ASPM: variants seen among roughly 807,000 people sequenced by gnomAD.
ASPM encodes abnormal spindle-like microcephaly-associated protein.
Under a neutral mutation model 366.4 loss-of-function variants are expected in ASPM, and 256 were observed. That is an observed-to-expected ratio of 0.70 (90% CI 0.63 to 0.77). The LOEUF (loss-of-function observed/expected upper bound fraction) is 0.77. ASPM is among the 30% of genes least tolerant of loss of function. The pLI, the probability that ASPM is intolerant of heterozygous loss-of-function variation, is 0.00. For missense variants in ASPM, 4,146 were observed against 4,090.4 expected (o/e 1.01, Z -0.37); for synonymous variants, 1,414 against 1,342.9 (o/e 1.05, Z -1.16).
At chr1:197,138,635 G>GAACAGGGT (rs1658489317) in intron 4 of ASPM, 2 of 490,520 alleles carry the variant, frequency 4.1e-6, no homozygotes. Context: ...TATACAATAA[G>GAACAGGGT]CAAGCCAATT....
intron 12 of ASPM, among the ~76,000 whole-genome samples, 178 bp from the exon 13 acceptor site, chr1:197,124,509 G>A (rs1165280407): frequency 2.0e-5 from 3 of 151,680 alleles, no homozygotes; most frequent in East Asian, 1.9e-4. Flanking sequence ...CAAAACAGTC[G>A]CTTTTTTTTT....
At chr1:197,090,147 T>C (rs1481470397) in intron 24 of ASPM, 49 bp downstream of exon 24, 3 of 1,611,328 alleles carry the variant, frequency 1.9e-6, no homozygotes, top group Admixed American at 3.3e-5. Context: ...AAGTTTTAGC[T>C]AATAATGTAG....
intron 4 of ASPM, chr1:197,139,005 G>A: frequency 1.4e-6 from 1 of 723,970 alleles, no homozygotes; most frequent in African/African-American, 1.8e-5. Context: ...ATTGATCATA[G>A]CACTCTTGTC....
At chr1:197,093,013 AT>A (rs1558323980) in intron 21 of ASPM, 38 bp downstream of exon 21, 4 of 1,528,900 alleles carry the variant, frequency 2.6e-6, no homozygotes, top group Middle Eastern at 4.6e-4. Flanking sequence ...AAGTGCTTTC[AT>A]TTTATAAGAA....
intron 25 of ASPM, among the ~76,000 whole-genome samples, chr1:197,089,431 T>C (rs1295356840): frequency 2.0e-4 from 30 of 152,028 alleles, no homozygotes; most frequent in Admixed American, 2.0e-3. Flanking sequence ...GACATGATTA[T>C]AATGTGGTAA....
At chr1:197,140,102 T>G (rs1046136445) in intron 3 of ASPM, among the ~76,000 whole-genome samples, 2 of 152,186 alleles carry the variant, frequency 1.3e-5, no homozygotes, top group Non-Finnish European at 2.9e-5. Flanking sequence ...GAGGCTAAAG[T>G]CTAGATTCAA....
rs1657279015 is a variant in ASPM, at chr1:197,103,518, G to A, written c.5733C>T (p.Ala1911=). Reference sequence around the variant, plus strand: ...ACAATCTAAACTGTTTCTGGGCCTTGGCCATTCTAAAAGCAGACTGAATCT... The same window carrying A: ...ACAATCTAAACTGTTTCTGGGCCTTAGCCATTCTAAAAGCAGACTGAATCT... ...ALKIQSAFRM[A]KAQKQFRLFK... Residue 1911 remains alanine (A), a synonymous_variant, in exon 18 of 28, where the codon GCC becomes GCT. Transcript: ENST00000367409. 8.1e-6 allele frequency: 13 copies of A among 1,613,086 alleles called. No homozygotes were observed. In the East Asian group the frequency reaches 2.9e-4, roughly 36 times the overall value.
chr1:197,102,517 T>C lies in ASPM; in HGVS notation c.6734A>G (p.Tyr2245Cys), dbSNP rs762585515. Residue 2245 changes from tyrosine (Y) to cysteine (C), a missense_variant, in exon 18 of 28, where the codon TAC becomes TGC. Around this residue, in one of 3 missense-constraint regions of ASPM, gnomAD observed 3,624 missense variants for 3,591.7 expected, o/e 1.01. Coordinates refer to ENST00000367409, the MANE Select transcript of ASPM (RefSeq NM_018136.5). Reference sequence around the variant, plus strand: ...CTTTCCCCTAAAAATAGCCTGAATGTATATTACAGAATGCCTCAGTTTGTT... The same window carrying C: ...CTTTCCCCTAAAAATAGCCTGAATGCATATTACAGAATGCCTCAGTTTGTT... ...RYNKLRHSVI[Y>C]IQAIFRGKKA... 9 of 1,612,398 alleles carry C rather than the reference T, an allele frequency of 5.6e-6. 1 individual carries two copies. Among genetic ancestry groups the C allele is most frequent in the Non-Finnish European group, 5.9e-6 (7 of 1,179,108 alleles).
At position 197,090,186 on chromosome 1, in the gene ASPM, A is replaced by G. The variant is rs946626093; in HGVS notation, c.9829+10T>C. 5 of 1,613,132 alleles carry G rather than the reference A, an allele frequency of 3.1e-6. No homozygotes were observed. The African/African-American group carries it at 5.3e-5, about 17-fold the overall frequency. Reference sequence around the variant, plus strand: ...TACATCATTCTTTAAACATGTTAACACAAACTAACCTAGGTGTTTTAAGGC... The same window carrying G: ...TACATCATTCTTTAAACATGTTAACGCAAACTAACCTAGGTGTTTTAAGGC... On this transcript the variant is annotated intron_variant, in intron 24 of 27. Coordinates refer to ENST00000367409, the MANE Select transcript of ASPM (RefSeq NM_018136.5).
chr1:197,089,482 T>C (rs566786012), intron 25 of ASPM, among the ~76,000 whole-genome samples: 1 of 152,130 alleles, frequency 6.6e-6, no homozygotes, highest in South Asian at 2.1e-4. Context: ...TCACCACCTC[T>C]AAAGGCAGAC....
Position 197,090,841 on chromosome 1 carries a change from T to G in ASPM, c.9636+9A>C, listed in dbSNP as rs1330713489. On this transcript the variant is annotated intron_variant, in intron 23 of 27. Transcript: ENST00000367409. Reference sequence around the variant, plus strand: ...AGTTTTGAACTAAAACTATACAAGTTTCAATTACCTGAATTTTAATGATTC... The same window carrying G: ...AGTTTTGAACTAAAACTATACAAGTGTCAATTACCTGAATTTTAATGATTC... 6.2e-7 allele frequency: 1 copy of G among 1,609,710 alleles called. No individual in the cohort carries two copies. Among genetic ancestry groups the G allele is most frequent in the South Asian group, 1.1e-5 (1 of 90,984 alleles).
rs2125113701 is a variant in ASPM, at chr1:197,142,485, T to A, written c.1767A>T (p.Ala589=). The A allele has an allele frequency of 1.2e-5, 20 of 1,614,044 alleles. No individual in the cohort carries two copies. The highest frequency in any genetic ancestry group is 1.3e-5 in the Non-Finnish European group (15 of 1,179,888). The change falls in exon 3 of 28, where the codon GCA becomes GCT. Residue 589 remains alanine (A), a synonymous_variant. Transcript: ENST00000367409. Reference sequence around the variant, plus strand: ...CTCGCACTTCTGTATGTTCTGTAATTGCAACTCTCACATTTGCATCTTCCA... The same window carrying A: ...CTCGCACTTCTGTATGTTCTGTAATAGCAACTCTCACATTTGCATCTTCCA... ...GSMEDANVRV[A]ITEHTEVREI...
chr1:197,103,653 AT>A lies in ASPM; in HGVS notation c.5597del (p.Asp1866ValfsTer7), dbSNP rs755463396. The A allele has an allele frequency of 6.2e-7, 1 of 1,612,930 alleles. No homozygotes were observed. The highest frequency in any genetic ancestry group is 1.1e-5 in the South Asian group (1 of 91,064). On this transcript the variant is annotated frameshift_variant, in exon 18 of 28. Coordinates refer to ENST00000367409, the MANE Select transcript of ASPM (RefSeq NM_018136.5). LOFTEE classifies it high-confidence loss of function. ...TTGTCTTCAAAAAATGTGTTCTTGTATCATGAAGAGTCTTGTACGCCCTGTA... is the reference window on the plus strand; with the variant it reads ...TTGTCTTCAAAAAATGTGTTCTTGTACATGAAGAGTCTTGTACGCCCTGTA... Reference protein sequence around the residue: ...RWYRAYKTLHDTRTHFLKTKA... With the variant: ...RWYRAYKTLHXTRTHFLKTKA...
rs1571616712 is a variant in ASPM at position 197,124,949 on chromosome 1, G to A, written c.3089C>T (p.Thr1030Ile). 2 of 1,610,754 alleles carry A rather than the reference G, an allele frequency of 1.2e-6. No homozygotes were observed. Among genetic ancestry groups the A allele is most frequent in the Non-Finnish European group, 1.7e-6 (2 of 1,177,012 alleles). ...GIELSDEHGN[T>I]ILSKDIVDRH... ...ATCCACAATATCCTTAGATAGAATT[G>A]TATTTCCTATAAAAGAAAAGGTTGT... Residue 1030 changes from threonine to isoleucine, a missense_variant, in exon 12 of 28, where the codon ACA (threonine) becomes ATA (isoleucine). Transcript: ENST00000367409.
At position 197,122,511 on chromosome 1, in the gene ASPM, C is replaced by T. The variant is rs1195820450; in HGVS notation, c.3475G>A (p.Asp1159Asn). 6.2e-7 allele frequency: 1 copy of T among 1,613,316 alleles called. No individual in the cohort carries two copies. Among genetic ancestry groups the T allele is most frequent in the Non-Finnish European group, 8.5e-7 (1 of 1,179,656 alleles). ...HHYHPCYVPF[D>N]AICQRTTQTV... is the part of the protein sequence containing the mutation. ...TGAGTAGTACGCTGACATATAGCGT[C>T]AAATGGCACATAGCAAGGATGGTAA... is the stretch of plus-strand genomic sequence containing the variant. Residue 1159 changes from aspartate (D) to asparagine (N), a missense_variant, in exon 14 of 28, where the codon GAC becomes AAC. Asp to Asn is a conservative substitution (Grantham distance 23, BLOSUM62 1). Around this residue, in one of 3 missense-constraint regions of ASPM, gnomAD observed 3,624 missense variants for 3,591.7 expected, o/e 1.01. Transcript: ENST00000367409.
chr1:197,142,346 G>T lies in ASPM; in HGVS notation c.1906C>A (p.Leu636Met). 6.2e-7 allele frequency: 1 copy of T among 1,613,664 alleles called. No homozygotes were observed. The highest frequency in any genetic ancestry group is 8.5e-7 in the Non-Finnish European group (1 of 1,179,714). The part of the protein sequence containing the change: ...KRISNREKLN[L>M]KKKTDLSIFR... Reference sequence around the variant, plus strand: ...CAAGACTCACCAGTTTTCTTCTTCAGGTTTAATTTCTCTCTGTTGCTAATA... The same window carrying T: ...CAAGACTCACCAGTTTTCTTCTTCATGTTTAATTTCTCTCTGTTGCTAATA... The change falls in exon 3 of 28, where the codon CTG becomes ATG. Residue 636 changes from leucine (L) to methionine (M), a missense_variant. By Grantham distance (15) the Leu-to-Met change is conservative (BLOSUM62 2). Transcript: ENST00000367409.
At chr1:197,115,546 C>T (rs923395810) in intron 17 of ASPM, among the ~76,000 whole-genome samples, 3 of 152,142 alleles carry the variant, frequency 2.0e-5, no homozygotes, top group African/African-American at 7.2e-5. Flanking sequence ...CTATATATTG[C>T]ATCCATAGCC....
chr1:197,089,895 C>A, intron 25 of ASPM, 35 bp downstream of exon 25: 1 of 1,599,748 alleles, frequency 6.3e-7, no homozygotes, highest in South Asian at 1.1e-5. Context: ...TATTTGTTGA[C>A]CAGTGAATAT....
intron 4 of ASPM, chr1:197,139,211 T>C: frequency 1.1e-6 from 1 of 940,782 alleles, no homozygotes; most frequent in Non-Finnish European, 1.7e-6. Context: ...CATTTTCCAC[T>C]TGGAAAACTC....
Sources: allele counts gnomAD v4.1 joint callset (sites outside exome capture counted in the v4.1 genomes callset), GRCh38; gene constraint gnomAD v4.1.1; regional missense constraint gnomAD v4.1.1; transcripts MANE v1.5; gene names NCBI Gene and HGNC (gene_info 2026-07-23, HGNC 2026-07-21).